The following IFT88 variants were observed in gnomAD, a reference collection of about 807,000 sequenced individuals.
IFT88 encodes intraflagellar transport protein 88 homolog.
Under a neutral mutation model 119.5 loss-of-function variants are expected in IFT88, and 74 were observed. The ratio of observed to expected loss-of-function variants is 0.62; its 90% CI spans 0.51 to 0.75. The LOEUF (loss-of-function observed/expected upper bound fraction) is 0.75. Ranked by LOEUF, IFT88 falls within the 30% of genes least tolerant of loss-of-function variation. The pLI is 0.00. For missense variants in IFT88, 961 were observed against 977.7 expected (o/e 0.98, Z 0.23); for synonymous variants, 279 against 316.7 (o/e 0.88, Z 1.26).
rs2050285780 is a variant in IFT88, at chr13:20,643,586, C to T, written c.1814C>T (p.Ala605Val). 1 of 1,601,342 alleles carries T rather than the reference C, an allele frequency of 6.2e-7. No homozygotes were observed. The highest frequency in any genetic ancestry group is 8.5e-7 in the Non-Finnish European group (1 of 1,172,336). ...LYDREGDKSQ[A>V]FQYYYESYRY... ...GATCGTGAAGGAGATAAATCTCAAGCATTTCAATATTACTATGAGGTAGGT... is the reference window on the plus strand; with the variant it reads ...GATCGTGAAGGAGATAAATCTCAAGTATTTCAATATTACTATGAGGTAGGT... The change falls in exon 19 of 26, where the codon GCA (alanine) becomes GTA (valine). Residue 605 changes from alanine (A) to valine (V), a missense_variant. Ala to Val is a moderately conservative substitution (Grantham distance 64). Coordinates refer to ENST00000351808, the MANE Select transcript of IFT88 (RefSeq NM_006531.5).
At chr13:20,586,413 G>A (rs540351292) in intron 3 of IFT88, among the ~76,000 whole-genome samples, 11 of 152,280 alleles carry the variant, frequency 7.2e-5, no homozygotes, top group African/African-American at 2.6e-4. Flanking sequence ...TAATAAAAGA[G>A]TATAAATTGC....
rs759672805 is a variant in IFT88 at position 20,653,860 on chromosome 13, T to G, written c.1950-16T>G. 2 of 1,477,578 alleles carry G rather than the reference T, an allele frequency of 1.4e-6. No individual in the cohort carries two copies. The highest frequency in any genetic ancestry group is 1.3e-5 in the South Asian group (1 of 76,628). The allele number at this position is 1,477,578 out of a possible 1,614,324, so 91.5% of individuals were successfully genotyped here. A position where few individuals can be genotyped will look rare whatever the true frequency, so the allele number is the denominator to read the frequency against. ...TTTTTTTATCTCTAATTTCATCTCA[T>G]TTATTTATTTTATAGGCCTACACAA... On this transcript the variant is annotated splice_polypyrimidine_tract_variant and intron_variant, in intron 20 of 25. Coordinates refer to ENST00000351808, the MANE Select transcript of IFT88 (RefSeq NM_006531.5).
intron 15 of IFT88, 32 bp from the exon 16 acceptor site, chr13:20,630,984 G>A (rs2140095792): frequency 3.3e-6 from 4 of 1,222,854 alleles, no homozygotes; most frequent in Non-Finnish European, 4.7e-6. Context: ...TCATATTACA[G>A]TGGTAGTAAC....
intron 24 of IFT88, among the ~76,000 whole-genome samples, chr13:20,685,831 G>A (rs2057854257): frequency 6.6e-6 from 1 of 152,252 alleles, no homozygotes; most frequent in Non-Finnish European, 1.5e-5. Flanking sequence ...AGTGAGCCGA[G>A]ATTGCGCCAC....
rs199949329 is a variant in IFT88 at position 20,607,509 on chromosome 13, TG to T, written c.1112+2405del. On this transcript the variant is annotated intron_variant, in intron 13 of 25. Coordinates refer to ENST00000351808, the MANE Select transcript of IFT88 (RefSeq NM_006531.5). The stretch of plus-strand genomic sequence containing the variant: ...ACGGTCACCAAGTTGTCTTTTGACA[TG>T]TGGGGAGGCCGCCACGCTGTGCTTC... 3.4e-3 allele frequency: 2,364 copies of T among 689,890 alleles called. 73 individuals are homozygous for T. The East Asian group carries it at 0.059, about 17-fold the overall frequency. The allele number at this position is 689,890 out of a possible 1,614,324, so 42.7% of individuals were successfully genotyped here.
chr13:20,581,795 G>A (rs1443186356), intron 2 of IFT88, among the ~76,000 whole-genome samples: 2 of 151,442 alleles, frequency 1.3e-5, no homozygotes, highest in Non-Finnish European at 2.9e-5. Context: ...TGAGGCTGCG[G>A]TGAGCTGTGA....
chr13:20,670,840 A>C (rs113835700), intron 23 of IFT88, 133 bp from the exon 24 acceptor site: 17 of 540,616 alleles, frequency 3.1e-5, no homozygotes, highest in African/African-American at 2.6e-4. Flanking sequence ...TTTTCTATAG[A>C]ATCAACTCTC....
intron 24 of IFT88, among the ~76,000 whole-genome samples, chr13:20,684,037 A>G (rs1442584023): frequency 6.6e-6 from 1 of 152,236 alleles, no homozygotes; most frequent in Non-Finnish European, 1.5e-5. Flanking sequence ...TAACAGTCTC[A>G]TTACAAAAGG....
chr13:20,677,592 T>G (rs935825840), intron 24 of IFT88, among the ~76,000 whole-genome samples: 2 of 152,146 alleles, frequency 1.3e-5, no homozygotes, highest in Non-Finnish European at 2.9e-5. Context: ...CACCTAGAAG[T>G]AAATTGGTCA....
chr13:20,621,293 C>T (rs911654297), intron 14 of IFT88, among the ~76,000 whole-genome samples: 6 of 152,158 alleles, frequency 3.9e-5, no homozygotes, highest in African/African-American at 1.4e-4. Context: ...TCTCAAACTT[C>T]TGGCCTCAAG....
intron 1 of IFT88, among the ~76,000 whole-genome samples, chr13:20,569,913 C>G (rs959524507): frequency 6.6e-6 from 1 of 151,536 alleles, no homozygotes; most frequent in Non-Finnish European, 1.5e-5. Flanking sequence ...GGCTTGGTGG[C>G]GGGTGCCTGT....
At chr13:20,636,036 G>C (rs2048979997) in intron 16 of IFT88, among the ~76,000 whole-genome samples, 1 of 152,080 alleles carries the variant, frequency 6.6e-6, no homozygotes, top group South Asian at 2.1e-4. Flanking sequence ...ATCCAAACTA[G>C]CAACAGTCAG....
At chr13:20,649,285 G>T (rs2051212810) in intron 20 of IFT88, among the ~76,000 whole-genome samples, 1 of 152,126 alleles carries the variant, frequency 6.6e-6, no homozygotes, top group Non-Finnish European at 1.5e-5. Context: ...AAATTGAAAA[G>T]ATTGAACTCA....
At chr13:20,638,934 A>G (rs1010790679) in intron 17 of IFT88, among the ~76,000 whole-genome samples, 5 of 152,216 alleles carry the variant, frequency 3.3e-5, no homozygotes, top group African/African-American at 1.2e-4. Flanking sequence ...CCATGTACCT[A>G]TCACCCCAGT....
At chr13:20,589,781 C>T (rs1381463032) in intron 3 of IFT88, 30 bp from the exon 4 acceptor site, 1 of 1,509,518 alleles carries the variant, frequency 6.6e-7, no homozygotes, top group Non-Finnish European at 9.1e-7. Flanking sequence ...AGTCTGAATC[C>T]TGTTAACTAT....
At chr13:20,638,259 T>C in intron 16 of IFT88, 73 bp from the exon 17 acceptor site, 2 of 776,940 alleles carry the variant, frequency 2.6e-6, no homozygotes, top group Non-Finnish European at 3.8e-6. Flanking sequence ...CTATTTATTA[T>C]GTCTGTAATC....
At chr13:20,656,317 G>A (rs1339225855) in intron 21 of IFT88, 48 bp from the exon 22 acceptor site, 1 of 804,364 alleles carries the variant, frequency 1.2e-6, no homozygotes, top group African/African-American at 1.8e-5. Flanking sequence ...TCTGAATCCT[G>A]TTAGTTTCTA....
chr13:20,645,959 T>G lies in IFT88; in HGVS notation c.1949+1001T>G, dbSNP rs187096317. On this transcript the variant is annotated intron_variant, in intron 20 of 25. Coordinates refer to ENST00000351808, the MANE Select transcript of IFT88 (RefSeq NM_006531.5). ...AGATAGTTTTAGTTTAATTATATCTTTAAGATTAAAGCTATTTCAGTAATA... is the reference window on the plus strand; with the variant it reads ...AGATAGTTTTAGTTTAATTATATCTGTAAGATTAAAGCTATTTCAGTAATA... 7.6e-4 allele frequency among the ~76,000 whole-genome samples: 115 copies of G among 152,316 alleles called. 1 individual carries two copies. In the South Asian group the frequency reaches 0.02, roughly 27 times the overall value.
intron 23 of IFT88, among the ~76,000 whole-genome samples, chr13:20,663,912 G>A (rs2054221615): frequency 6.6e-6 from 1 of 152,164 alleles, no homozygotes; most frequent in African/African-American, 2.4e-5. Context: ...AATTTTAATT[G>A]GAAAGTCCTG....
Sources: allele counts gnomAD v4.1 joint callset (sites outside exome capture counted in the v4.1 genomes callset), GRCh38; gene constraint gnomAD v4.1.1; transcripts MANE v1.5; gene names NCBI Gene and HGNC (gene_info 2026-07-23, HGNC 2026-07-21).